NCKAP5: variants seen among roughly 807,000 people sequenced by gnomAD.
NCKAP5 encodes the protein NCK associated protein 5, also known as nck-associated protein 5.
A neutral mutation model predicts 167.0 loss-of-function variants in NCKAP5; 92 were observed. That is an observed-to-expected ratio of 0.55 (90% CI 0.47 to 0.66). The LOEUF (loss-of-function observed/expected upper bound fraction) is 0.66. Ranked by LOEUF, NCKAP5 falls within the 30% of genes least tolerant of loss-of-function variation. NCKAP5 has a pLI of 0.00. For missense variants in NCKAP5, 2,378 were observed against 2,315.0 expected (o/e 1.03, Z -0.56); for synonymous variants, 891 against 877.4 (o/e 1.02, Z -0.27).
intron 4 of NCKAP5, among the ~76,000 whole-genome samples, chr2:133,234,817 A>T (rs2087321383): frequency 6.6e-6 from 1 of 151,852 alleles, no homozygotes. Flanking sequence ...AAAGATGAAA[A>T]ATGTTAAGGA....
chr2:133,657,860 C>T, the NCKAP5 span, among the ~76,000 whole-genome samples: 358 of 152,160 alleles, frequency 2.4e-3, 1 homozygote, highest in African/African-American at 8.1e-3. Context: ...TTTCATTCAT[C>T]CCCCTGGGGG....
chr2:133,298,880 C>T (rs1258534691), intron 4 of NCKAP5, among the ~76,000 whole-genome samples: 1 of 152,096 alleles, frequency 6.6e-6, no homozygotes, highest in East Asian at 1.9e-4. Flanking sequence ...ATAAAACTAT[C>T]AGAATCAGGT....
chr2:132,993,523 C>T (rs117407991), intron 7 of NCKAP5, among the ~76,000 whole-genome samples: 1 of 152,274 alleles, frequency 6.6e-6, no homozygotes, highest in East Asian at 1.9e-4. Context: ...CTCCTTGTTG[C>T]CTGAGATGCA....
intron 3 of NCKAP5, among the ~76,000 whole-genome samples, chr2:133,443,579 A>G (rs1690990586): frequency 6.6e-6 from 1 of 151,994 alleles, no homozygotes; most frequent in African/African-American, 2.4e-5. Context: ...GCTTCTGGAA[A>G]TTTCCTGAGA....
At chr2:132,995,984 A>T (rs536880208) in intron 6 of NCKAP5, among the ~76,000 whole-genome samples, 29 of 152,050 alleles carry the variant, frequency 1.9e-4, no homozygotes, top group African/African-American at 5.1e-4. Flanking sequence ...CAAAAAAAAA[A>T]TTTTTTTTAC....
chr2:132,921,632 C>T (rs1574639109), intron 8 of NCKAP5, among the ~76,000 whole-genome samples: 2 of 152,296 alleles, frequency 1.3e-5, no homozygotes, highest in Admixed American at 6.5e-5. Flanking sequence ...GCAATCATCC[C>T]GCCTTTGAAG....
At chr2:133,447,443 T>TC (rs760163727) in intron 3 of NCKAP5, among the ~76,000 whole-genome samples, 4 of 151,630 alleles carry the variant, frequency 2.6e-5, no homozygotes, top group African/African-American at 4.9e-5. Context: ...TTTCCTTTTT[T>TC]CTTCTCTCTC....
chr2:132,974,457 A>G (rs1275431986), intron 7 of NCKAP5, among the ~76,000 whole-genome samples: 6 of 152,200 alleles, frequency 3.9e-5, no homozygotes, highest in Non-Finnish European at 8.8e-5. Flanking sequence ...ACAATTTTAC[A>G]TATGGCAAGG....
At position 132,785,385 on chromosome 2, in the gene NCKAP5, C is replaced by A. The variant is rs747806874; in HGVS notation, c.1426G>T (p.Val476Phe). 2 of 1,613,968 alleles carry A rather than the reference C, an allele frequency of 1.2e-6. No homozygotes were observed. The highest frequency in any genetic ancestry group is 3.3e-5 in the Admixed American group (2 of 60,022). The change falls in exon 14 of 20, where the codon GTT becomes TTT. Residue 476 changes from valine (V) to phenylalanine (F), a missense_variant. Transcript: ENST00000409261. ...KTFVYDLDSHVDADDDPSTLA... is the reference protein window; with the variant it reads ...KTFVYDLDSHFDADDDPSTLA... ...GTGGAAGGGTCATCGTCCGCATCAA[C>A]GTGGGAATCTAGATCATAAACAAAT...
At chr2:132,770,358 ATATAT>A (rs1318295691) in intron 16 of NCKAP5, among the ~76,000 whole-genome samples, 1 of 148,306 alleles carries the variant, frequency 6.7e-6, no homozygotes, top group African/African-American at 2.4e-5. Context: ...TGAATACAAC[ATATAT>A]TATATATTGT....
chr2:133,285,235 T>C (rs1328026425), intron 4 of NCKAP5, among the ~76,000 whole-genome samples: 1 of 152,244 alleles, frequency 6.6e-6, no homozygotes, highest in East Asian at 1.9e-4. Flanking sequence ...TACTCCAATG[T>C]CTAGCAAGCA....
At chr2:133,497,318 G>T (rs929842933) in intron 3 of NCKAP5, among the ~76,000 whole-genome samples, 3 of 152,184 alleles carry the variant, frequency 2.0e-5, no homozygotes, top group Admixed American at 6.5e-5. Context: ...GCCAAAATGA[G>T]GCAGAAGCTC....
chr2:133,246,324 A>G (rs1173576503), intron 4 of NCKAP5, among the ~76,000 whole-genome samples: 1 of 152,198 alleles, frequency 6.6e-6, no homozygotes, highest in Non-Finnish European at 1.5e-5. Flanking sequence ...TGTTAAAAAT[A>G]TGTATCCCTT....
chr2:132,790,050 C>T lies in NCKAP5; in HGVS notation c.1065G>A (p.Trp355Ter). 1 of 1,612,716 alleles carries T rather than the reference C, an allele frequency of 6.2e-7. No individual in the cohort carries two copies. Among genetic ancestry groups the T allele is most frequent in the Non-Finnish European group, 8.5e-7 (1 of 1,179,268 alleles). ...SEYSSGSSYT[W>*]HDGKNLRKRQ... ...TTTTCCTGAGGTTCTTCCCATCGTGCCACGTGTAGGAGGAGCCACTGGAGT... is the reference window on the plus strand; with the variant it reads ...TTTTCCTGAGGTTCTTCCCATCGTGTCACGTGTAGGAGGAGCCACTGGAGT... Residue 355 changes from tryptophan (W) to a stop codon, truncating the protein, a stop_gained, in exon 13 of 20, where the codon TGG (tryptophan) becomes TGA (stop). Coordinates refer to ENST00000409261, the MANE Select transcript of NCKAP5 (RefSeq NM_207363.3). LOFTEE classifies it high-confidence loss of function.
chr2:132,790,822 G>A (rs1174189618), intron 12 of NCKAP5, among the ~76,000 whole-genome samples: 1 of 152,196 alleles, frequency 6.6e-6, no homozygotes, highest in Non-Finnish European at 1.5e-5. Context: ...GCACATCACA[G>A]CATCTGGCCT....
chr2:132,808,967 T>C (rs7559449), intron 11 of NCKAP5, among the ~76,000 whole-genome samples: 66,305 of 151,846 alleles, frequency 0.44, 17,144 homozygotes, highest in African/African-American at 0.71. Flanking sequence ...ATAGATTGTG[T>C]CATTATTGTC....
intron 3 of NCKAP5, among the ~76,000 whole-genome samples, chr2:133,372,135 T>G (rs947063369): frequency 2.6e-5 from 4 of 152,180 alleles, no homozygotes; most frequent in Admixed American, 2.6e-4. Flanking sequence ...TGAGTGGTCC[T>G]TGAAGGATGG....
At chr2:132,858,126 G>T (rs1427786556) in intron 11 of NCKAP5, among the ~76,000 whole-genome samples, 1 of 140,162 alleles carries the variant, frequency 7.1e-6, no homozygotes, top group Non-Finnish European at 1.5e-5. Flanking sequence ...CTTCTAAGAA[G>T]TGCAAAAAAA....
chr2:133,617,147 A>G, the NCKAP5 span, among the ~76,000 whole-genome samples: 8 of 152,166 alleles, frequency 5.3e-5, no homozygotes, highest in African/African-American at 1.7e-4. Flanking sequence ...TTGATGGGAC[A>G]TATCTCAAAA....
Sources: allele counts gnomAD v4.1 joint callset (sites outside exome capture counted in the v4.1 genomes callset), GRCh38; gene constraint gnomAD v4.1.1; transcripts MANE v1.5; gene names NCBI Gene and HGNC (gene_info 2026-07-23, HGNC 2026-07-21).